The following PITPNA variants were observed in gnomAD, a reference collection of about 807,000 sequenced individuals.
PITPNA encodes the protein phosphatidylinositol transfer protein alpha, also known as phosphatidylinositol transfer protein alpha isoform.
In PITPNA, 13 loss-of-function variants were observed where a neutral mutation model predicts 50.3. The observed-to-expected ratio is 0.26, with a 90% CI of 0.17 to 0.41. The LOEUF (loss-of-function observed/expected upper bound fraction) is 0.41. Among genes scored for constraint, PITPNA ranks in the 10% least tolerant of loss-of-function variants. PITPNA has a pLI of 1.00. For synonymous variants in PITPNA, 120 were observed against 119.6 expected (o/e 1.00, Z -0.02); for missense variants, 207 against 333.4 (o/e 0.62, Z 2.95).
intron 10 of PITPNA, among the ~76,000 whole-genome samples, chr17:1,526,818 A>G (rs59740941): frequency 0.15 from 22,499 of 152,216 alleles, 1,932 homozygotes; most frequent in African/African-American, 0.22. Context: ...AGGCTAGAAC[A>G]CAGTGGCATG....
chr17:1,551,173 G>A (rs953520384), intron 3 of PITPNA, among the ~76,000 whole-genome samples: 7 of 152,238 alleles, frequency 4.6e-5, no homozygotes, highest in African/African-American at 1.7e-4. Context: ...TACTGCAGGG[G>A]AGCTCTGCTT....
intron 1 of PITPNA, among the ~76,000 whole-genome samples, chr17:1,560,051 C>CA (rs2075760061): frequency 2.6e-5 from 4 of 152,164 alleles, no homozygotes; most frequent in Admixed American, 2.6e-4. Context: ...TTGCAGAAAT[C>CA]AAATTAAACA....
intron 10 of PITPNA, among the ~76,000 whole-genome samples, chr17:1,527,816 TAG>T (rs1323078062): frequency 1.3e-5 from 2 of 152,184 alleles, no homozygotes; most frequent in East Asian, 1.9e-4. Flanking sequence ...AAAGGGTACA[TAG>T]ATCTTTCCAC....
chr17:1,553,260 G>C, intron 2 of PITPNA, 111 bp from the exon 3 acceptor site: 1 of 1,222,650 alleles, frequency 8.2e-7, no homozygotes, highest in Non-Finnish European at 1.2e-6. Flanking sequence ...TCCTCATGCA[G>C]GAGCTGGTTC....
intron 10 of PITPNA, among the ~76,000 whole-genome samples, chr17:1,522,476 G>A (rs537805708): frequency 9.9e-5 from 15 of 152,122 alleles, no homozygotes; most frequent in African/African-American, 3.6e-4. Context: ...GGATTCAAGC[G>A]ATTGTCCTGC....
At chr17:1,526,021 C>T (rs1218877036) in intron 10 of PITPNA, among the ~76,000 whole-genome samples, 1 of 152,224 alleles carries the variant, frequency 6.6e-6, no homozygotes, top group African/African-American at 2.4e-5. Flanking sequence ...AAACACCCCC[C>T]TCCACTATAT....
intron 10 of PITPNA, among the ~76,000 whole-genome samples, chr17:1,526,197 A>C (rs1476024820): frequency 2.0e-5 from 3 of 152,278 alleles, no homozygotes; most frequent in Non-Finnish European, 4.4e-5. Context: ...TCAGGCTTCA[A>C]GTACACACAG....
intron 10 of PITPNA, among the ~76,000 whole-genome samples, chr17:1,526,139 T>C (rs182991979): frequency 1.2e-4 from 19 of 152,324 alleles, no homozygotes; most frequent in Admixed American, 1.0e-3. Flanking sequence ...CACCAGTAAC[T>C]GGACAGAAAG....
At position 1,541,550 on chromosome 17, in the gene PITPNA, G is replaced by A; in HGVS notation, c.372+16C>T. 9 of 1,596,308 alleles carry A rather than the reference G, an allele frequency of 5.6e-6. No homozygotes were observed. The highest frequency in any genetic ancestry group is 7.7e-6 in the Non-Finnish European group (9 of 1,163,904). On this transcript the variant is annotated intron_variant, in intron 6 of 11. Coordinates refer to ENST00000313486, the MANE Select transcript of PITPNA (RefSeq NM_006224.4). ...TCAAGACCTCACCCCTGGGGCTTTT[G>A]GGAACTACTACTCACATTCTCCTGC...
intron 1 of PITPNA, among the ~76,000 whole-genome samples, chr17:1,560,413 C>T (rs151031190): frequency 4.6e-5 from 7 of 152,320 alleles, no homozygotes; most frequent in South Asian, 4.1e-4. Context: ...GCTCCTCCCC[C>T]GTCCCCCGCC....
At chr17:1,557,274 C>G (rs1427492267) in intron 2 of PITPNA, among the ~76,000 whole-genome samples, 1 of 152,246 alleles carries the variant, frequency 6.6e-6, no homozygotes, top group Non-Finnish European at 1.5e-5. Flanking sequence ...TGTCTGCCCA[C>G]CCCTCTCGGG....
intron 10 of PITPNA, 52 bp downstream of exon 10, chr17:1,534,047 C>T: frequency 6.2e-7 from 1 of 1,608,256 alleles, no homozygotes; most frequent in Non-Finnish European, 8.5e-7. Flanking sequence ...AAAACAGTCT[C>T]CTTAATCTTC....
chr17:1,522,282 A>G (rs1248818078), intron 10 of PITPNA, among the ~76,000 whole-genome samples: 4 of 150,598 alleles, frequency 2.7e-5, no homozygotes, highest in African/African-American at 4.9e-5. Context: ...CTTGTTAGCC[A>G]GGATGGTCTC....
At chr17:1,537,474 C>T (rs1030996498) in intron 7 of PITPNA, among the ~76,000 whole-genome samples, 3 of 152,254 alleles carry the variant, frequency 2.0e-5, no homozygotes, top group African/African-American at 7.2e-5. Context: ...GCTGGGATTA[C>T]AGGCGTGAGC....
At chr17:1,551,997 G>T (rs1011667311) in intron 3 of PITPNA, among the ~76,000 whole-genome samples, 1 of 151,604 alleles carries the variant, frequency 6.6e-6, no homozygotes, top group Non-Finnish European at 1.5e-5. Flanking sequence ...TGATGGTGAG[G>T]TTCCTCCCCA....
intron 1 of PITPNA, chr17:1,559,773 AAGC>A: frequency 8.1e-6 from 8 of 985,400 alleles, no homozygotes; most frequent in Non-Finnish European, 9.6e-6. Flanking sequence ...GCAAGACACC[AAGC>A]AGGAAAGTAG....
At chr17:1,537,508 ATTATAT>A (rs1261585308) in intron 7 of PITPNA, among the ~76,000 whole-genome samples, 4 of 152,106 alleles carry the variant, frequency 2.6e-5, no homozygotes, top group Non-Finnish European at 5.9e-5. Context: ...CTCTGAGGAG[ATTATAT>A]TTATGTGTGC....
chr17:1,547,876 C>T (rs1171249361), intron 4 of PITPNA, among the ~76,000 whole-genome samples: 4 of 151,970 alleles, frequency 2.6e-5, no homozygotes, highest in African/African-American at 9.7e-5. Context: ...CGCCTGTAGT[C>T]CCAGCTACTC....
intron 6 of PITPNA, among the ~76,000 whole-genome samples, chr17:1,540,233 C>G (rs2075641315): frequency 6.6e-6 from 1 of 152,152 alleles, no homozygotes; most frequent in Non-Finnish European, 1.5e-5. Flanking sequence ...TGTTTAGCAA[C>G]ATGCTGATTA....
Sources: gnomAD v4.1 joint callset for allele counts (sites outside exome capture counted in the v4.1 genomes callset) on GRCh38, gnomAD v4.1.1 for gene constraint, MANE v1.5 for transcripts, NCBI Gene and HGNC (gene_info 2026-07-23, HGNC 2026-07-21) for gene names.